SLC6A11: variants seen among roughly 807,000 people sequenced by gnomAD.
The protein encoded by SLC6A11 is solute carrier family 6 member 11.
Under a neutral mutation model 74.8 loss-of-function variants are expected in SLC6A11, and 25 were observed. That is an observed-to-expected ratio of 0.33 (90% CI 0.24 to 0.47). The LOEUF (loss-of-function observed/expected upper bound fraction) is 0.47, where lower values mean the gene tolerates loss of function less well. SLC6A11 is among the 20% of genes least tolerant of loss of function. The pLI, the probability that SLC6A11 is intolerant of heterozygous loss-of-function variation, is 1.00. For missense variants in SLC6A11, 574 were observed against 837.0 expected (o/e 0.69, Z 3.88); for synonymous variants, 330 against 330.2 (o/e 1.00, Z 0.01).
chr3:10,869,301 CA>C (rs1478623677), intron 5 of SLC6A11, among the ~76,000 whole-genome samples: 4 of 152,178 alleles, frequency 2.6e-5, no homozygotes, highest in African/African-American at 4.8e-5. Flanking sequence ...ATCCTCTCAG[CA>C]ACATCTGGGC....
intron 12 of SLC6A11, 26 bp from the exon 13 acceptor site, chr3:10,935,003 A>C (rs1018927719): frequency 1.2e-6 from 2 of 1,603,210 alleles, no homozygotes; most frequent in Non-Finnish European, 1.7e-6. Flanking sequence ...CCCATCCCCC[A>C]GGCACCTGCC....
At chr3:10,847,590 GC>G (rs1694520185) in intron 5 of SLC6A11, among the ~76,000 whole-genome samples, 1 of 152,198 alleles carries the variant, frequency 6.6e-6, no homozygotes. Context: ...GAGTGGAAGA[GC>G]CTTGCCCGAG....
intron 5 of SLC6A11, among the ~76,000 whole-genome samples, chr3:10,857,576 A>G (rs1694653549): frequency 6.6e-6 from 1 of 152,192 alleles, no homozygotes. Flanking sequence ...GGCTGAAGCC[A>G]GAGAAGAGCC....
intron 5 of SLC6A11, among the ~76,000 whole-genome samples, chr3:10,852,497 C>T (rs949385066): frequency 3.9e-5 from 6 of 152,236 alleles, no homozygotes; most frequent in East Asian, 3.8e-4. Flanking sequence ...GGAAGTTTTG[C>T]GACTTGGTAA....
In SLC6A11 at chr3:10,819,504, G is replaced by A; in HGVS notation, c.296G>A (p.Cys99Tyr). Residue 99 changes from cysteine (C) to tyrosine (Y), a missense_variant, in exon 2 of 14, where the codon TGT becomes TAT. Coordinates refer to ENST00000254488, the MANE Select transcript of SLC6A11 (RefSeq NM_014229.3). ...CCCTACGTGGTGTTTTTTATTTGCT[G>A]TGGAATTCCTGTTTTTTTCCTGGAG... Reference protein sequence around the residue: ...LIPYVVFFICCGIPVFFLETA... With the variant: ...LIPYVVFFICYGIPVFFLETA... 1 of 1,613,918 alleles carries A rather than the reference G, an allele frequency of 6.2e-7. No individual in the cohort carries two copies. The highest frequency in any genetic ancestry group is 8.5e-7 in the Non-Finnish European group (1 of 1,179,948).
chr3:10,883,624 A>G (rs150091125), intron 6 of SLC6A11, among the ~76,000 whole-genome samples: 1 of 152,232 alleles, frequency 6.6e-6, no homozygotes, highest in East Asian at 1.9e-4. Flanking sequence ...CCACAAAAAG[A>G]TGAATCAGGG....
chr3:10,893,627 A>G lies in SLC6A11; in HGVS notation c.892-18463A>G, dbSNP rs145524888. Among the ~76,000 whole-genome samples the G allele has an allele frequency of 2.8e-4, 43 of 152,268 alleles. No homozygotes were observed. In the East Asian group the frequency reaches 8.1e-3, roughly 29 times the overall value. ...GGGCACAAAGCATAGTCTTCTCACC[A>G]AAGGATTCCTGAGAAGTGTCGTGAA... On this transcript the variant is annotated intron_variant, in intron 6 of 13. Transcript: ENST00000254488.
chr3:10,852,348 A>G (rs1369945681), intron 5 of SLC6A11, among the ~76,000 whole-genome samples: 1 of 152,242 alleles, frequency 6.6e-6, no homozygotes, highest in Non-Finnish European at 1.5e-5. Context: ...TTCTCACACC[A>G]CTGTGGTTTG....
At chr3:10,882,944 G>C (rs1695000048) in intron 6 of SLC6A11, among the ~76,000 whole-genome samples, 1 of 152,182 alleles carries the variant, frequency 6.6e-6, no homozygotes, top group Non-Finnish European at 1.5e-5. Context: ...ACCCAGCCTA[G>C]GGCCTGGGAG....
At chr3:10,938,132 C>T in intron 13 of SLC6A11, 118 bp from the exon 14 acceptor site, 2 of 996,210 alleles carry the variant, frequency 2.0e-6, no homozygotes, top group South Asian at 4.3e-5. Flanking sequence ...GGGCCCGGAC[C>T]TTGGTCTGAG....
chr3:10,837,273 C>T (rs181552632), intron 4 of SLC6A11, among the ~76,000 whole-genome samples: 9 of 152,300 alleles, frequency 5.9e-5, no homozygotes, highest in Non-Finnish European at 8.8e-5. Context: ...CTGATGGAGA[C>T]TGGTGTGTGG....
intron 8 of SLC6A11, among the ~76,000 whole-genome samples, chr3:10,919,258 A>C (rs956995352): frequency 6.6e-6 from 1 of 152,202 alleles, no homozygotes; most frequent in Non-Finnish European, 1.5e-5. Context: ...TGGTATTTGA[A>C]TTTCCAGAAA....
chr3:10,831,104 C>T (rs969035666), intron 4 of SLC6A11, among the ~76,000 whole-genome samples: 14 of 152,270 alleles, frequency 9.2e-5, no homozygotes, highest in Non-Finnish European at 1.9e-4. Context: ...GCTGTGAGGT[C>T]TTCTAATCTC....
Position 10,855,529 on chromosome 3 carries a change from C to A in SLC6A11, c.756+11183C>A, listed in dbSNP as rs1010333900. On this transcript the variant is annotated intron_variant, in intron 5 of 13. Coordinates refer to ENST00000254488, the MANE Select transcript of SLC6A11 (RefSeq NM_014229.3). Reference sequence around the variant, plus strand: ...TTATCAGCAGCAGCATCCAGCTGAGCATCCCTGTTTGCCTCTTGTGTCTCT... The same window carrying A: ...TTATCAGCAGCAGCATCCAGCTGAGAATCCCTGTTTGCCTCTTGTGTCTCT... 7.2e-5 allele frequency among the ~76,000 whole-genome samples: 11 copies of A among 152,216 alleles called. 1 individual carries two copies. The highest frequency in any genetic ancestry group is 2.9e-5 in the Non-Finnish European group (2 of 68,042).
intron 7 of SLC6A11, among the ~76,000 whole-genome samples, chr3:10,917,829 G>A (rs957610575): frequency 1.3e-5 from 2 of 152,148 alleles, no homozygotes; most frequent in Non-Finnish European, 2.9e-5. Flanking sequence ...AAACAGCTTG[G>A]CCAGGAAGAA....
At chr3:10,897,471 A>G (rs1404581592) in intron 6 of SLC6A11, among the ~76,000 whole-genome samples, 1 of 152,236 alleles carries the variant, frequency 6.6e-6, no homozygotes, top group African/African-American at 2.4e-5. Flanking sequence ...TCCAAATGAA[A>G]GGAATCGGCC....
rs1318968030 is a variant in SLC6A11, at chr3:10,897,126, C to T, written c.892-14964C>T. Among the ~76,000 whole-genome samples, 42 of 152,114 alleles carry T rather than the reference C, an allele frequency of 2.8e-4. 1 individual carries two copies. The highest frequency in any genetic ancestry group is 2.8e-3 in the Admixed American group (42 of 15,272). ...CCATGAGAACAGTATGGGGGAACTG[C>T]CCCCATGATTCAATTACCTCCCACC... On this transcript the variant is annotated intron_variant, in intron 6 of 13. Coordinates refer to ENST00000254488, the MANE Select transcript of SLC6A11 (RefSeq NM_014229.3).
intron 6 of SLC6A11, among the ~76,000 whole-genome samples, chr3:10,907,434 C>A (rs1054352007): frequency 2.0e-5 from 3 of 152,072 alleles, no homozygotes; most frequent in East Asian, 3.9e-4. Context: ...ACATACGAGT[C>A]CCCAAAGAAG....
intron 6 of SLC6A11, among the ~76,000 whole-genome samples, chr3:10,897,487 A>G (rs1352439182): frequency 6.6e-6 from 1 of 152,226 alleles, no homozygotes; most frequent in Non-Finnish European, 1.5e-5. Flanking sequence ...CGGCCAAAAC[A>G]AAGGGGCTAC....
Sources: allele counts gnomAD v4.1 joint callset (sites outside exome capture counted in the v4.1 genomes callset), GRCh38; gene constraint gnomAD v4.1.1; transcripts MANE v1.5; gene names NCBI Gene and HGNC (gene_info 2026-07-23, HGNC 2026-07-21).